GRIP1: variants seen among roughly 807,000 people sequenced by gnomAD.
GRIP1 encodes glutamate receptor-interacting protein 1.
GRIP1 carries 45 observed loss-of-function variants against 129.9 expected under a neutral mutation model. The observed-to-expected ratio is 0.35, with a 90% confidence interval of 0.27 to 0.44. The LOEUF (loss-of-function observed/expected upper bound fraction) is 0.44, where lower values mean the gene tolerates loss of function less well. Among genes scored for constraint, GRIP1 ranks in the 20% least tolerant of loss-of-function variants. GRIP1 has a pLI of 1.00. For synonymous variants in GRIP1, 530 were observed against 520.8 expected, an observed-to-expected ratio of 1.02 and a Z score of -0.24; for missense variants, 1,196 against 1,396.8, an observed-to-expected ratio of 0.86 and a Z score of 2.29.
At chr12:66,648,590 C>A (rs1049336331) in intron 1 of GRIP1, among the ~76,000 whole-genome samples, 3 of 152,202 alleles carry the variant, frequency 2.0e-5, no homozygotes, top group African/African-American at 7.2e-5. Flanking sequence ...TTATTGACAG[C>A]TGCTGAGAAG....
Position 66,636,784 on chromosome 12 carries a change from GGACAT to G in GRIP1, c.56-39862_56-39858del, listed in dbSNP as rs370425525. Among the ~76,000 whole-genome samples the G allele has an allele frequency of 4.4e-4, 66 of 151,658 alleles. 1 individual carries two copies. Among genetic ancestry groups the G allele is most frequent in the African/African-American group, 1.5e-3 (62 of 41,222 alleles). On this transcript the variant is annotated intron_variant, in intron 1 of 24. Transcript: ENST00000359742. ...CTCTCTCTCTCTCTGTGCCATGTGAGGACATGAAGAGAAGGTGGCCATCTGCAAAC... is the reference window on the plus strand; with the variant it reads ...CTCTCTCTCTCTCTGTGCCATGTGAGGAAGAGAAGGTGGCCATCTGCAAAC...
At chr12:67,046,212 T>C (rs1002417678) in intron 1 of GRIP1, among the ~76,000 whole-genome samples, 1 of 152,164 alleles carries the variant, frequency 6.6e-6, no homozygotes, top group African/African-American at 2.4e-5. Context: ...CCTGCCCCTA[T>C]GAAGCGGGCA....
At chr12:66,816,937 AACC>A (rs1566037214) in intron 1 of GRIP1, among the ~76,000 whole-genome samples, 5 of 152,152 alleles carry the variant, frequency 3.3e-5, no homozygotes, top group Non-Finnish European at 5.9e-5. Flanking sequence ...ATAACATTTT[AACC>A]TACTCAAGGC....
chr12:66,575,690 T>C (rs977349951), intron 2 of GRIP1, among the ~76,000 whole-genome samples: 3 of 152,092 alleles, frequency 2.0e-5, no homozygotes, highest in African/African-American at 7.2e-5. Flanking sequence ...AACTAGAAAA[T>C]TTTTCCAAGT....
intron 1 of GRIP1, among the ~76,000 whole-genome samples, chr12:67,028,566 G>A (rs548136024): frequency 3.3e-5 from 5 of 152,280 alleles, no homozygotes; most frequent in African/African-American, 1.2e-4. Context: ...ATATCCTATA[G>A]ACGTTTATGA....
At chr12:66,509,082 G>GT (rs2060620631) in intron 7 of GRIP1, among the ~76,000 whole-genome samples, 2 of 152,090 alleles carry the variant, frequency 1.3e-5, no homozygotes, top group South Asian at 4.1e-4. Context: ...TTTAGCAAAG[G>GT]TCTAAGCAAA....
intron 1 of GRIP1, among the ~76,000 whole-genome samples, chr12:66,938,871 T>C (rs934799839): frequency 3.3e-5 from 5 of 151,984 alleles, no homozygotes; most frequent in South Asian, 2.1e-4. Flanking sequence ...GCAGGAGAAT[T>C]GCTTGAACCT....
At chr12:66,866,045 C>G (rs947118209) in intron 1 of GRIP1, among the ~76,000 whole-genome samples, 1 of 152,118 alleles carries the variant, frequency 6.6e-6, no homozygotes, top group African/African-American at 2.4e-5. Flanking sequence ...TCTGGACCAC[C>G]CAACCCATGG....
chr12:66,666,682 C>T (rs2033814135), intron 1 of GRIP1, among the ~76,000 whole-genome samples: 1 of 152,130 alleles, frequency 6.6e-6, no homozygotes, highest in Admixed American at 6.5e-5. Context: ...AGCTTCTCGA[C>T]TTTCACACTT....
intron 1 of GRIP1, among the ~76,000 whole-genome samples, chr12:66,767,173 CTTTTA>C (rs1216577235): frequency 3.9e-5 from 6 of 152,096 alleles, no homozygotes; most frequent in Admixed American, 1.3e-4. Flanking sequence ...AATGTAAATG[CTTTTA>C]TTTTATTTAC....
At chr12:66,673,804 T>G (rs150168137) in intron 1 of GRIP1, among the ~76,000 whole-genome samples, 57 of 152,172 alleles carry the variant, frequency 3.7e-4, no homozygotes, top group African/African-American at 1.1e-3. Context: ...CCTGTTCAAG[T>G]GGGGTCTCTC....
Position 66,448,209 on chromosome 12 carries a change from C to A in GRIP1, c.1355-2701G>T, listed in dbSNP as rs77105003. Among the ~76,000 whole-genome samples, 815 of 151,270 alleles carry A rather than the reference C, an allele frequency of 5.4e-3. 3 individuals are homozygous for A. Among genetic ancestry groups the A allele is most frequent in the Non-Finnish European group, 8.3e-3 (563 of 67,708 alleles). On this transcript the variant is annotated intron_variant, in intron 11 of 24. Coordinates refer to ENST00000359742, the MANE Select transcript of GRIP1 (RefSeq NM_001366722.1). ...CAATGTTTTCAAAATTGAGCGAATC[C>A]TCTTCCCTCTCTCATTGCCACTACT...
chr12:66,756,702 T>C (rs1300095757), intron 1 of GRIP1, among the ~76,000 whole-genome samples: 2 of 152,176 alleles, frequency 1.3e-5, no homozygotes, highest in Non-Finnish European at 2.9e-5. Flanking sequence ...TCATCTCATT[T>C]AATCCTGCCT....
chr12:66,588,810 A>T (rs895149497), intron 2 of GRIP1, among the ~76,000 whole-genome samples: 14 of 151,454 alleles, frequency 9.2e-5, no homozygotes, highest in African/African-American at 3.2e-4. Flanking sequence ...CTCTACTAAA[A>T]ATACAAAAAT....
intron 1 of GRIP1, among the ~76,000 whole-genome samples, chr12:66,989,062 A>G (rs1450936394): frequency 6.6e-6 from 1 of 152,202 alleles, no homozygotes; most frequent in Non-Finnish European, 1.5e-5. Flanking sequence ...TAAGAAAGAT[A>G]TTATTAGTCT....
At chr12:66,979,235 A>ACAAAC (rs773646990) in intron 1 of GRIP1, among the ~76,000 whole-genome samples, 6,319 of 136,264 alleles carry the variant, frequency 0.046, 355 homozygotes, top group African/African-American at 0.1. Flanking sequence ...AAAAAAAAAA[A>ACAAAC]AAAAAAAAAA....
rs2054033112 is a variant in GRIP1, at chr12:66,347,695, C to A, written c.*1324G>T. The A allele has an allele frequency of 6.6e-6, 1 of 151,994 alleles. No individual in the cohort carries two copies. Among genetic ancestry groups the A allele is most frequent in the Non-Finnish European group, 1.5e-5 (1 of 67,986 alleles). The allele number at this position is 151,994 out of a possible 1,614,324, so 9.4% of individuals were successfully genotyped here. A position where few individuals can be genotyped will look rare whatever the true frequency, so the allele number is the denominator to read the frequency against. ...TTAACATGATCCTGCTTTATACTTT[C>A]TTGCCCTGGCGGTTCTGAAATGTGA... On this transcript the variant is annotated 3_prime_UTR_variant, in exon 25 of 25. Coordinates refer to ENST00000359742, the MANE Select transcript of GRIP1 (RefSeq NM_001366722.1).
At chr12:66,948,620 C>T (rs1227014801) in intron 1 of GRIP1, among the ~76,000 whole-genome samples, 19 of 151,958 alleles carry the variant, frequency 1.3e-4, no homozygotes, top group Non-Finnish European at 1.5e-5. Context: ...GATGCAGGAA[C>T]AGAGGAATAA....
At chr12:66,400,178 C>A (rs887343056) in intron 16 of GRIP1, among the ~76,000 whole-genome samples, 1 of 151,902 alleles carries the variant, frequency 6.6e-6, no homozygotes, top group Non-Finnish European at 1.5e-5. Context: ...ATCCCTACCC[C>A]ACAGACCAAC....
Sources: gnomAD v4.1 joint callset for allele counts (sites outside exome capture counted in the v4.1 genomes callset) on GRCh38, gnomAD v4.1.1 for gene constraint, MANE v1.5 for transcripts, NCBI Gene and HGNC (gene_info 2026-07-23, HGNC 2026-07-21) for gene names.